HNRNPA1L2: variants seen among roughly 807,000 people sequenced by gnomAD.
HNRNPA1L2 encodes the protein heterogeneous nuclear ribonucleoprotein A1-like 2.
Under a neutral mutation model 18.2 loss-of-function variants are expected in HNRNPA1L2, and 10 were observed. The observed-to-expected ratio is 0.55, with a 90% CI of 0.34 to 0.93. The LOEUF is 0.93. Among genes scored for constraint, HNRNPA1L2 ranks in the 40% least tolerant of loss-of-function variants. The pLI, the probability that HNRNPA1L2 is intolerant of heterozygous loss-of-function variation, is 0.02. For synonymous variants in HNRNPA1L2, 124 were observed against 138.6 expected, an observed-to-expected ratio of 0.89 and a Z score of 0.74; for missense variants, 308 against 394.4, an observed-to-expected ratio of 0.78 and a Z score of 1.85.
chr13:52,641,990 G>A (rs1261167826), upstream of HNRNPA1L2: 1 of 155,080 alleles, frequency 6.4e-6, no homozygotes, highest in African/African-American at 2.4e-5. Context: ...ATATTGGTTT[G>A]GTCTTCCAGG....
the HNRNPA1L2 span, among the ~76,000 whole-genome samples, chr13:52,625,183 C>T: frequency 6.7e-6 from 1 of 149,748 alleles, no homozygotes; most frequent in Admixed American, 6.7e-5. Flanking sequence ...GGTGTGATCT[C>T]GGCTTACTGC....
chr13:52,617,966 A>T, the HNRNPA1L2 span, among the ~76,000 whole-genome samples: 9 of 152,192 alleles, frequency 5.9e-5, no homozygotes, highest in African/African-American at 2.2e-4. Flanking sequence ...TCCAAAAGCG[A>T]AGTTGTTTTA....
At chr13:52,632,920 A>C in the HNRNPA1L2 span, among the ~76,000 whole-genome samples, 2 of 152,238 alleles carry the variant, frequency 1.3e-5, no homozygotes, top group Non-Finnish European at 2.9e-5. Flanking sequence ...TCAGCTAGGC[A>C]CTATGGCCTT....
chr13:52,625,204 T>C, the HNRNPA1L2 span, among the ~76,000 whole-genome samples: 1 of 149,476 alleles, frequency 6.7e-6, no homozygotes, highest in Non-Finnish European at 1.5e-5. Flanking sequence ...AACCTCCGCC[T>C]TCTAGGTTGA....
At chr13:52,622,860 T>G in the HNRNPA1L2 span, among the ~76,000 whole-genome samples, 16 of 150,842 alleles carry the variant, frequency 1.1e-4, 1 homozygote, top group South Asian at 2.7e-3. Context: ...AAATGGCAGT[T>G]TTTTTTTTTA....
At chr13:52,622,871 A>G in the HNRNPA1L2 span, among the ~76,000 whole-genome samples, 2 of 151,824 alleles carry the variant, frequency 1.3e-5, no homozygotes, top group Non-Finnish European at 2.9e-5. Context: ...TTTTTTTTTA[A>G]TGATACATAA....
the HNRNPA1L2 span, among the ~76,000 whole-genome samples, chr13:52,630,633 G>A: frequency 1.3e-4 from 20 of 152,266 alleles, no homozygotes; most frequent in East Asian, 1.9e-4. Flanking sequence ...TGTGTATTCC[G>A]TGGATTTGTT....
At chr13:52,630,117 G>A in the HNRNPA1L2 span, among the ~76,000 whole-genome samples, 1 of 152,098 alleles carries the variant, frequency 6.6e-6, no homozygotes, top group Non-Finnish European at 1.5e-5. Context: ...CTTAAAGATG[G>A]TGAGCCATGT....
the HNRNPA1L2 span, chr13:52,632,621 C>A: frequency 1.5e-4 from 23 of 152,696 alleles, no homozygotes; most frequent in African/African-American, 5.3e-4. Context: ...GGATTCGAAT[C>A]ATGAATGTGG....
rs1961686843 is a variant in HNRNPA1L2 at position 52,642,431 on chromosome 13, C to A, written c.-62C>A. ...CTTCATATCTAAGATCTCTGGTGGA[C>A]TTTTTCTGCCCGTGGACGCCGCTGA... On this transcript the variant is annotated 5_prime_UTR_variant, in exon 1 of 1. Coordinates refer to ENST00000357495, the MANE Select transcript of HNRNPA1L2 (RefSeq NM_001389320.1). 1.6e-5 allele frequency: 25 copies of A among 1,592,064 alleles called. No homozygotes were observed. The highest frequency in any genetic ancestry group is 1.3e-4 in the South Asian group (11 of 87,054).
the HNRNPA1L2 span, chr13:52,617,531 T>G: frequency 2.4e-6 from 1 of 414,566 alleles, no homozygotes. Context: ...GTTCAGTTGC[T>G]CTCCTGGATG....
At chr13:52,617,866 A>G in the HNRNPA1L2 span, among the ~76,000 whole-genome samples, 2 of 152,220 alleles carry the variant, frequency 1.3e-5, no homozygotes, top group Admixed American at 6.5e-5. Flanking sequence ...CCAAGGAAAC[A>G]TAGCGTGCGT....
At chr13:52,620,901 A>G in the HNRNPA1L2 span, among the ~76,000 whole-genome samples, 9,334 of 152,080 alleles carry the variant, frequency 0.061, 328 homozygotes, top group African/African-American at 0.095. Context: ...TAATTTCTAT[A>G]TATATTAAAG....
rs148056290 is a variant in HNRNPA1L2 at position 52,643,166 on chromosome 13, G to C, written c.674G>C (p.Arg225Pro). 86 of 1,598,084 alleles carry C rather than the reference G, an allele frequency of 5.4e-5. 1 individual carries two copies. The highest frequency in any genetic ancestry group is 7.0e-5 in the Non-Finnish European group (82 of 1,179,804). The change falls in exon 1 of 1, where the codon CGT becomes CCT. Residue 225 changes from arginine (R) to proline (P), a missense_variant. Physicochemically the swap from Arg to Pro is moderately radical, Grantham distance 103. Transcript: ENST00000357495. ...GGTCGTGGAGGAAACTTCAGTGGTC[G>C]TGGTGGCTTTGGTGGCAGCTGTGGT... ...NFGRGGNFSG[R>P]GGFGGSCGGG...
chr13:52,621,179 C>T, the HNRNPA1L2 span, among the ~76,000 whole-genome samples: 1 of 152,146 alleles, frequency 6.6e-6, no homozygotes, highest in African/African-American at 2.4e-5. Flanking sequence ...AGAATTAGGA[C>T]ATCTTTTGCA....
upstream of HNRNPA1L2, among the ~76,000 whole-genome samples, chr13:52,637,869 C>T (rs1236596469): frequency 1.3e-5 from 2 of 152,076 alleles, no homozygotes; most frequent in East Asian, 3.9e-4. Flanking sequence ...ATTATAATTA[C>T]ACATATTCTT....
In HNRNPA1L2 at chr13:52,642,975, G is replaced by T; in HGVS notation, c.483G>T (p.Lys161Asn). 1 of 1,597,396 alleles carries T rather than the reference G, an allele frequency of 6.3e-7. No homozygotes were observed. The highest frequency in any genetic ancestry group is 1.7e-5 in the Admixed American group (1 of 60,016). Residue 161 changes from lysine to asparagine, a missense_variant, in exon 1 of 1, where the codon AAG (lysine) becomes AAT (asparagine). Coordinates refer to ENST00000357495, the MANE Select transcript of HNRNPA1L2 (RefSeq NM_001389320.1). ...VTFDDHDSVD[K>N]IVIQKYHTVK... ...TTGACGACCATGACTCCGTGGATAA[G>T]ATTGTCATTCAGAAATACCATACTG...
chr13:52,619,268 C>T, the HNRNPA1L2 span, among the ~76,000 whole-genome samples: 1 of 152,042 alleles, frequency 6.6e-6, no homozygotes, highest in African/African-American at 2.4e-5. Context: ...GCTGGGATTA[C>T]AGGCATGAGC....
chr13:52,630,978 A>G, the HNRNPA1L2 span, among the ~76,000 whole-genome samples: 14 of 152,186 alleles, frequency 9.2e-5, no homozygotes, highest in African/African-American at 3.4e-4. Context: ...TTGATATTTA[A>G]TATTTTAAAA....
Sources: gnomAD v4.1 joint callset for allele counts (sites outside exome capture counted in the v4.1 genomes callset) on GRCh38, gnomAD v4.1.1 for gene constraint, MANE v1.5 for transcripts, NCBI Gene and HGNC (gene_info 2026-07-23, HGNC 2026-07-21) for gene names.